The following GPBP1 variants were observed in gnomAD, a reference collection of about 807,000 sequenced individuals.
GPBP1 encodes vasculin.
A neutral mutation model predicts 56.5 loss-of-function variants in GPBP1; 13 were observed. The ratio of observed to expected loss-of-function variants is 0.23; its 90% CI spans 0.15 to 0.37. GPBP1 has a LOEUF of 0.37. Among genes scored for constraint, GPBP1 ranks in the 10% least tolerant of loss-of-function variants. The probability of loss-of-function intolerance (pLI) is 1.00; values close to 1 mark genes in which losing one functional copy is unlikely to be tolerated. For missense variants in GPBP1, 477 were observed against 572.3 expected, an observed-to-expected ratio of 0.83 and a Z score of 1.70; for synonymous variants, 204 against 188.9, an observed-to-expected ratio of 1.08 and a Z score of -0.66.
intron 2 of GPBP1, among the ~76,000 whole-genome samples, chr5:57,189,834 G>A (rs1754442499): frequency 2.6e-5 from 4 of 152,038 alleles, no homozygotes; most frequent in Admixed American, 2.6e-4. Context: ...TCTCTTACCT[G>A]AACACGAGAC....
intron 2 of GPBP1, among the ~76,000 whole-genome samples, chr5:57,196,139 C>G (rs1463728207): frequency 2.6e-5 from 4 of 151,708 alleles, no homozygotes; most frequent in Non-Finnish European, 5.9e-5. Flanking sequence ...TACCTACTTT[C>G]AGTTTTTAAA....
intron 3 of GPBP1, among the ~76,000 whole-genome samples, chr5:57,225,677 T>C (rs1180719331): frequency 6.6e-6 from 1 of 151,890 alleles, no homozygotes; most frequent in Non-Finnish European, 1.5e-5. Flanking sequence ...CCCCAGGAGG[T>C]GCAGAAAGGT....
chr5:57,226,772 C>T (rs1756217970), intron 3 of GPBP1, among the ~76,000 whole-genome samples: 1 of 123,828 alleles, frequency 8.1e-6, no homozygotes. Flanking sequence ...CAGAATTTCG[C>T]TCTATTGCCC....
At chr5:57,221,143 A>G (rs572593485) in intron 3 of GPBP1, among the ~76,000 whole-genome samples, 67 of 152,300 alleles carry the variant, frequency 4.4e-4, no homozygotes, top group African/African-American at 1.6e-3. Context: ...CATGTGGTAA[A>G]AATTTAAACT....
At chr5:57,180,219 A>T (rs1372616613) in intron 2 of GPBP1, among the ~76,000 whole-genome samples, 1 of 152,096 alleles carries the variant, frequency 6.6e-6, no homozygotes, top group East Asian at 1.9e-4. Context: ...GGTTCAAGTG[A>T]TTCTTATGCC....
intron 6 of GPBP1, among the ~76,000 whole-genome samples, chr5:57,243,319 C>T (rs1327982261): frequency 6.6e-6 from 1 of 152,164 alleles, no homozygotes; most frequent in Non-Finnish European, 1.5e-5. Flanking sequence ...CCTGCCTCGG[C>T]TTCCCAAAGT....
At chr5:57,188,188 G>A (rs1754372659) in intron 2 of GPBP1, among the ~76,000 whole-genome samples, 1 of 151,312 alleles carries the variant, frequency 6.6e-6, no homozygotes, top group African/African-American at 2.4e-5. Context: ...AAGTTGCAGT[G>A]AGCTGAGATC....
chr5:57,249,317 A>AG, intron 8 of GPBP1, 92 bp from the exon 9 acceptor site: 1 of 923,774 alleles, frequency 1.1e-6, no homozygotes, highest in Non-Finnish European at 1.6e-6. Context: ...TTGTGAGTAA[A>AG]GGTAAAATAG....
At chr5:57,207,397 G>T (rs1000674135) in intron 2 of GPBP1, among the ~76,000 whole-genome samples, 1 of 152,120 alleles carries the variant, frequency 6.6e-6, no homozygotes, top group African/African-American at 2.4e-5. Flanking sequence ...TGTGATGGGG[G>T]TGTGCCTTGC....
intron 5 of GPBP1, among the ~76,000 whole-genome samples, chr5:57,234,531 A>G (rs971576060): frequency 2.6e-5 from 4 of 152,196 alleles, no homozygotes; most frequent in African/African-American, 9.6e-5. Flanking sequence ...TGAAGCCACG[A>G]ATTTGAGACC....
In GPBP1 at chr5:57,235,953, A is replaced by T. The variant is rs374619577; in HGVS notation, c.412-13A>T. Reference sequence around the variant, plus strand: ...TTTTAAAATGTGAAATGTTTATTCCAACTTTCTTCCAGCCGTCTTTAAATC... The same window carrying T: ...TTTTAAAATGTGAAATGTTTATTCCTACTTTCTTCCAGCCGTCTTTAAATC... On this transcript the variant is annotated splice_polypyrimidine_tract_variant and intron_variant, in intron 5 of 11. Transcript: ENST00000506184. The T allele has an allele frequency of 3.8e-5, 60 of 1,589,160 alleles. No homozygotes were observed. In the African/African-American group the frequency reaches 7.5e-4, roughly 20 times the overall value.
At chr5:57,236,927 A>G (rs1205028822) in intron 6 of GPBP1, 1 of 550,156 alleles carries the variant, frequency 1.8e-6, no homozygotes, top group African/African-American at 2.0e-5. Context: ...AAACTTTGCC[A>G]CTTCCTGTGC....
At chr5:57,179,394 A>AT (rs1170975191) in intron 2 of GPBP1, among the ~76,000 whole-genome samples, 1 of 151,978 alleles carries the variant, frequency 6.6e-6, no homozygotes, top group East Asian at 1.9e-4. Context: ...TCTCACCCAG[A>AT]TTGGAGTGTA....
intron 2 of GPBP1, among the ~76,000 whole-genome samples, chr5:57,203,742 A>C (rs1009448095): frequency 6.6e-6 from 1 of 152,220 alleles, no homozygotes; most frequent in African/African-American, 2.4e-5. Context: ...GGAACATTAA[A>C]ATGGAAGTTT....
chr5:57,205,954 A>G (rs1209018982), intron 2 of GPBP1, among the ~76,000 whole-genome samples: 2 of 151,954 alleles, frequency 1.3e-5, no homozygotes, highest in East Asian at 3.9e-4. Flanking sequence ...TTTTGTAGAG[A>G]TAGGGACTCA....
intron 10 of GPBP1, among the ~76,000 whole-genome samples, chr5:57,258,493 A>T (rs182574549): frequency 1.2e-4 from 18 of 152,370 alleles, no homozygotes; most frequent in Non-Finnish European, 4.4e-5. Context: ...ATATCTAAGC[A>T]TATCTAAACA....
intron 2 of GPBP1, among the ~76,000 whole-genome samples, chr5:57,193,336 C>A (rs1030525242): frequency 4.6e-5 from 7 of 151,284 alleles, no homozygotes; most frequent in African/African-American, 1.7e-4. Flanking sequence ...CTGCCTAGGC[C>A]GAGTGCCGTG....
intron 2 of GPBP1, among the ~76,000 whole-genome samples, chr5:57,180,461 C>A (rs983484616): frequency 2.0e-5 from 3 of 152,068 alleles, no homozygotes; most frequent in African/African-American, 7.2e-5. Flanking sequence ...TTTTCTGTTT[C>A]TTTTTTGATA....
intron 3 of GPBP1, among the ~76,000 whole-genome samples, chr5:57,223,823 A>G (rs1561352072): frequency 6.7e-6 from 1 of 149,536 alleles, no homozygotes. Context: ...AAATATATAT[A>G]TTTGTTTATT....
Sources: allele counts gnomAD v4.1 joint callset (sites outside exome capture counted in the v4.1 genomes callset), GRCh38; gene constraint gnomAD v4.1.1; transcripts MANE v1.5; gene names NCBI Gene and HGNC (gene_info 2026-07-23, HGNC 2026-07-21).